The following INO80 variants were observed in gnomAD, a reference collection of about 807,000 sequenced individuals.
INO80 encodes INO80 complex ATPase subunit.
A neutral mutation model predicts 203.4 loss-of-function variants in INO80; 20 were observed. The observed-to-expected ratio is 0.10, with a 90% CI of 0.07 to 0.14. INO80 has a LOEUF of 0.14. Ranked by LOEUF, INO80 falls within the 10% of genes least tolerant of loss-of-function variation. INO80 has a pLI of 1.00. For synonymous variants in INO80, 726 were observed against 685.2 expected (o/e 1.06, Z -0.93); for missense variants, 1,419 against 1,914.4 (o/e 0.74, Z 4.83).
chr15:41,042,829 G>A (rs1432861168), intron 24 of INO80, among the ~76,000 whole-genome samples: 1 of 152,098 alleles, frequency 6.6e-6, no homozygotes, highest in Non-Finnish European at 1.5e-5. Context: ...ACACTACTTG[G>A]TTGGTATTTC....
intron 19 of INO80, among the ~76,000 whole-genome samples, chr15:41,051,030 G>A (rs1466284851): frequency 6.7e-6 from 1 of 148,504 alleles, no homozygotes; most frequent in African/African-American, 2.5e-5. Context: ...TCAGGAGGCT[G>A]AGGCAGGAGA....
At chr15:41,031,926 A>G (rs535863384) in intron 24 of INO80, among the ~76,000 whole-genome samples, 165 of 26,016 alleles carry the variant, frequency 6.3e-3, no homozygotes, top group South Asian at 0.039. Context: ...AGCACAGCAC[A>G]GCACAGCACA....
At chr15:41,062,808 T>C (rs2045135900) in intron 14 of INO80, among the ~76,000 whole-genome samples, 1 of 152,200 alleles carries the variant, frequency 6.6e-6, no homozygotes, top group African/African-American at 2.4e-5. Flanking sequence ...CGCCTCACTT[T>C]TTGACTTCTC....
chr15:40,988,798 T>C (rs1033786299), intron 29 of INO80, among the ~76,000 whole-genome samples: 10 of 152,338 alleles, frequency 6.6e-5, no homozygotes, highest in African/African-American at 2.4e-4. Flanking sequence ...GTGGATTACT[T>C]GAGGTCAGGA....
chr15:41,104,934 T>C (rs903629401), intron 1 of INO80, among the ~76,000 whole-genome samples: 2 of 152,208 alleles, frequency 1.3e-5, no homozygotes, highest in African/African-American at 4.8e-5. Flanking sequence ...GTTTTCATTA[T>C]GGGAGTGGAT....
chr15:41,007,180 TTC>T (rs1491129911), intron 27 of INO80, among the ~76,000 whole-genome samples: 3 of 114,270 alleles, frequency 2.6e-5, no homozygotes, highest in African/African-American at 1.3e-4. Flanking sequence ...TTTTTTTTTT[TTC>T]TTTTTTTTTT....
chr15:40,992,461 AC>A (rs770464393), intron 29 of INO80, among the ~76,000 whole-genome samples: 119 of 152,352 alleles, frequency 7.8e-4, no homozygotes, highest in Admixed American at 2.9e-3. Context: ...ATTTATAAAT[AC>A]ATTTTTACAT....
chr15:41,104,073 T>TA (rs905272380), intron 1 of INO80, among the ~76,000 whole-genome samples: 18 of 151,446 alleles, frequency 1.2e-4, no homozygotes, highest in African/African-American at 4.4e-4. Context: ...ACAACAAAGT[T>TA]AGTCAGGTGT....
intron 11 of INO80, among the ~76,000 whole-genome samples, chr15:41,072,597 T>C (rs1413559129): frequency 7.4e-6 from 1 of 135,272 alleles, no homozygotes; most frequent in Non-Finnish European, 1.5e-5. Context: ...TGCGCACCTG[T>C]AGTCCCAGCT....
At chr15:41,059,038 A>G (rs1596300650) in intron 15 of INO80, among the ~76,000 whole-genome samples, 1 of 151,770 alleles carries the variant, frequency 6.6e-6, no homozygotes, top group Admixed American at 6.6e-5. Context: ...TGCAAACACA[A>G]CCTCCTGGGC....
At chr15:41,016,335 A>G in intron 26 of INO80, 120 bp from the exon 27 acceptor site, 1 of 976,258 alleles carries the variant, frequency 1.0e-6, no homozygotes, top group Non-Finnish European at 1.5e-6. Context: ...TCATGAGATC[A>G]GAAAAGTGCT....
At chr15:41,025,333 G>C (rs1450849126) in intron 25 of INO80, among the ~76,000 whole-genome samples, 1 of 152,144 alleles carries the variant, frequency 6.6e-6, no homozygotes, top group Non-Finnish European at 1.5e-5. Context: ...TATTTGGGGA[G>C]CTCCAAGTGG....
At chr15:41,015,901 C>T (rs528008795) in intron 27 of INO80, among the ~76,000 whole-genome samples, 187 bp downstream of exon 27, 1 of 146,842 alleles carries the variant, frequency 6.8e-6, no homozygotes, top group Admixed American at 6.9e-5. Flanking sequence ...GCCGAGATCG[C>T]ATCACTGCAC....
Position 41,095,739 on chromosome 15 carries a change from G to T in INO80, c.313+20C>A, listed in dbSNP as rs766411417. Reference sequence around the variant, plus strand: ...CCCAAGATAACGATAGTCCAAAGGGGGATGTCACACCACACTGACCTGACT... The same window carrying T: ...CCCAAGATAACGATAGTCCAAAGGGTGATGTCACACCACACTGACCTGACT... On this transcript the variant is annotated intron_variant, in intron 3 of 35. Coordinates refer to ENST00000648947, the MANE Select transcript of INO80 (RefSeq NM_017553.3). 1 of 1,613,190 alleles carries T rather than the reference G, an allele frequency of 6.2e-7. No individual in the cohort carries two copies. Among genetic ancestry groups the T allele is most frequent in the African/African-American group, 1.3e-5 (1 of 75,010 alleles).
In INO80 at chr15:40,987,799, CTT is replaced by C. The variant is rs1389980686; in HGVS notation, c.3729+15_3729+16del. ...GTTTGCTCCACCAGTGTAGGAATTT[CTT>C]TCTCTTGTGCTTACCTCACTCTTCT... On this transcript the variant is annotated intron_variant, in intron 30 of 35. Coordinates refer to ENST00000648947, the MANE Select transcript of INO80 (RefSeq NM_017553.3). 2 of 1,606,428 alleles carry C rather than the reference CTT, an allele frequency of 1.2e-6. No homozygotes were observed. Among genetic ancestry groups the C allele is most frequent in the Non-Finnish European group, 1.7e-6 (2 of 1,175,012 alleles).
At chr15:40,983,109 A>C (rs1188417435) in intron 34 of INO80, 32 bp from the exon 35 acceptor site, 1 of 1,415,380 alleles carries the variant, frequency 7.1e-7, no homozygotes, top group African/African-American at 1.4e-5. Context: ...AAGGGAAAGA[A>C]AAAAAAAAAA....
chr15:41,057,553 T>C (rs954563608), intron 16 of INO80, among the ~76,000 whole-genome samples: 1 of 151,526 alleles, frequency 6.6e-6, no homozygotes, highest in Non-Finnish European at 1.5e-5. Context: ...TCCCAGCACT[T>C]TGGGAGGCAG....
chr15:41,045,284 T>C (rs914810590), intron 23 of INO80, among the ~76,000 whole-genome samples: 22 of 152,120 alleles, frequency 1.4e-4, no homozygotes, highest in Admixed American at 9.2e-4. Context: ...TCCGCAAAGC[T>C]CCTATCAGTA....
At chr15:41,053,004 G>A (rs930690773) in intron 19 of INO80, among the ~76,000 whole-genome samples, 1 of 152,168 alleles carries the variant, frequency 6.6e-6, no homozygotes, top group African/African-American at 2.4e-5. Context: ...CTGCACTCCA[G>A]TGTGGGTGAA....
Sources: gnomAD v4.1 joint callset for allele counts (sites outside exome capture counted in the v4.1 genomes callset) on GRCh38, gnomAD v4.1.1 for gene constraint, MANE v1.5 for transcripts, NCBI Gene and HGNC (gene_info 2026-07-23, HGNC 2026-07-21) for gene names.